UBE2K: variants seen among roughly 807,000 people sequenced by gnomAD.
UBE2K encodes the protein ubiquitin-conjugating enzyme E2 K.
Under a neutral mutation model 30.0 loss-of-function variants are expected in UBE2K, and 6 were observed. The observed-to-expected ratio is 0.20, with a 90% CI of 0.11 to 0.39. The LOEUF is 0.39. Among genes scored for constraint, UBE2K ranks in the 10% least tolerant of loss-of-function variants. The probability of loss-of-function intolerance (pLI) is 1.00; values close to 1 mark genes in which losing one functional copy is unlikely to be tolerated. For synonymous variants in UBE2K, 86 were observed against 83.7 expected, an observed-to-expected ratio of 1.03 and a Z score of -0.15; for missense variants, 61 against 241.6, an observed-to-expected ratio of 0.25 and a Z score of 4.96.
chr4:39,711,309 C>T (rs1289275486), intron 1 of UBE2K, among the ~76,000 whole-genome samples: 1 of 151,184 alleles, frequency 6.6e-6, no homozygotes, highest in Non-Finnish European at 1.5e-5. Flanking sequence ...ACTACAGGCG[C>T]CCGCCACCAA....
intron 4 of UBE2K, chr4:39,771,477 G>T (rs1712832041): frequency 6.1e-6 from 9 of 1,486,920 alleles, no homozygotes; most frequent in Admixed American, 2.2e-5. Context: ...TCCGCGCGCT[G>T]TTTTTTTTTA....
chr4:39,743,058 AAG>A (rs1343369511), intron 2 of UBE2K, among the ~76,000 whole-genome samples: 3 of 151,944 alleles, frequency 2.0e-5, no homozygotes, highest in East Asian at 1.9e-4. Flanking sequence ...AAAAAAAAAA[AAG>A]AGAAGGATTC....
chr4:39,704,159 G>A (rs915012223), intron 1 of UBE2K, among the ~76,000 whole-genome samples: 1 of 151,992 alleles, frequency 6.6e-6, no homozygotes, highest in Non-Finnish European at 1.5e-5. Context: ...GGGAGGCTGA[G>A]GCAGGAGAAT....
intron 4 of UBE2K, among the ~76,000 whole-genome samples, chr4:39,758,204 G>T (rs1357130278): frequency 6.6e-6 from 1 of 151,982 alleles, no homozygotes; most frequent in Non-Finnish European, 1.5e-5. Flanking sequence ...TCTTTCTCTG[G>T]TACCCCATGC....
At chr4:39,770,226 G>T (rs1196937848) in intron 4 of UBE2K, 1 of 1,611,614 alleles carries the variant, frequency 6.2e-7, no homozygotes, top group Non-Finnish European at 8.5e-7. Context: ...GTAGGGCTGC[G>T]CTCCCGAGTG....
At chr4:39,728,827 G>GTTTTTTTTT (rs372834149) in intron 1 of UBE2K, among the ~76,000 whole-genome samples, 19 of 128,640 alleles carry the variant, frequency 1.5e-4, no homozygotes, top group South Asian at 2.5e-4. Context: ...TGTTTTTTTT[G>GTTTTTTTTT]TTTTTTTTTT....
At chr4:39,745,048 A>G (rs28526586) in intron 2 of UBE2K, among the ~76,000 whole-genome samples, 2,854 of 152,260 alleles carry the variant, frequency 0.019, 97 homozygotes, top group African/African-American at 0.065. Context: ...TAAAATAGAG[A>G]CAAGGACTTG....
At chr4:39,756,070 C>A (rs1409255214) in intron 4 of UBE2K, among the ~76,000 whole-genome samples, 1 of 152,186 alleles carries the variant, frequency 6.6e-6, no homozygotes, top group East Asian at 1.9e-4. Flanking sequence ...TTGAAGTAGT[C>A]ATATCCCCCT....
chr4:39,724,937 A>G (rs1376032937), intron 1 of UBE2K, among the ~76,000 whole-genome samples: 1 of 151,980 alleles, frequency 6.6e-6, no homozygotes, highest in Non-Finnish European at 1.5e-5. Context: ...CAGTGTTCTT[A>G]TTTTTGTTTA....
At position 39,748,620 on chromosome 4, in the gene UBE2K, C is replaced by CA. The variant is rs33918227; in HGVS notation, c.216+2825dup. 3.6e-3 allele frequency among the ~76,000 whole-genome samples: 441 copies of CA among 123,374 alleles called. 3 individuals are homozygous for CA. Among genetic ancestry groups the CA allele is most frequent in the Middle Eastern group, 0.026 (6 of 234 alleles). The allele number at this position is 123,374 out of a possible 152,430, so 80.9% of individuals were successfully genotyped here. A position where few individuals can be genotyped will look rare whatever the true frequency, so the allele number is the denominator to read the frequency against. ...CATAGCAAGGCCCTGTCTCTAGTCC[C>CA]AAAAAAAAAAAAAAAGAAAAAGAAA... On this transcript the variant is annotated intron_variant, in intron 3 of 6. Transcript: ENST00000261427.
intron 3 of UBE2K, among the ~76,000 whole-genome samples, chr4:39,746,339 A>G (rs1387921556): frequency 6.6e-6 from 1 of 152,182 alleles, no homozygotes; most frequent in Non-Finnish European, 1.5e-5. Flanking sequence ...ATACCCTAAG[A>G]TCATGTATAA....
chr4:39,721,225 G>A (rs571933741), intron 1 of UBE2K, among the ~76,000 whole-genome samples: 1 of 152,300 alleles, frequency 6.6e-6, no homozygotes, highest in African/African-American at 2.4e-5. Context: ...AAGGAAAAAA[G>A]AAAGTTGATT....
At chr4:39,730,760 A>C in intron 1 of UBE2K, among the ~76,000 whole-genome samples, 2 of 146,824 alleles carry the variant, frequency 1.4e-5, no homozygotes, top group African/African-American at 5.0e-5. Flanking sequence ...ACAGAGTGAG[A>C]CTCCGTCTCA....
intron 4 of UBE2K, among the ~76,000 whole-genome samples, chr4:39,759,758 A>C (rs1422323993): frequency 6.6e-6 from 1 of 152,238 alleles, no homozygotes; most frequent in Non-Finnish European, 1.5e-5. Context: ...GGCACAGAAT[A>C]TCTGCCTGGT....
At chr4:39,776,868 G>T (rs115778444) in intron 5 of UBE2K, among the ~76,000 whole-genome samples, 1 of 152,094 alleles carries the variant, frequency 6.6e-6, no homozygotes, top group Non-Finnish European at 1.5e-5. Context: ...AGCCTTACAC[G>T]TTGAGGTTGG....
intron 1 of UBE2K, among the ~76,000 whole-genome samples, chr4:39,717,383 G>A (rs1250817798): frequency 6.6e-6 from 1 of 151,890 alleles, no homozygotes; most frequent in African/African-American, 2.4e-5. Context: ...GATGCATGCT[G>A]CCACACCCGG....
chr4:39,770,976 G>C (rs1712769349), intron 4 of UBE2K: 4 of 1,601,486 alleles, frequency 2.5e-6, no homozygotes, highest in Non-Finnish European at 3.4e-6. Flanking sequence ...TGGCTGGAGG[G>C]AGGAGGGACT....
intron 2 of UBE2K, among the ~76,000 whole-genome samples, chr4:39,740,737 C>G (rs1200820263): frequency 4.0e-5 from 6 of 150,884 alleles, no homozygotes; most frequent in African/African-American, 1.5e-4. Flanking sequence ...ATGGTGGGCG[C>G]CTGTAGTCCC....
intron 2 of UBE2K, among the ~76,000 whole-genome samples, chr4:39,740,853 A>G (rs1038769288): frequency 7.4e-6 from 1 of 135,458 alleles, no homozygotes; most frequent in Non-Finnish European, 1.5e-5. Flanking sequence ...ACAGAGCAAG[A>G]CTCCGTCTCA....
Sources: allele counts gnomAD v4.1 joint callset (sites outside exome capture counted in the v4.1 genomes callset), GRCh38; gene constraint gnomAD v4.1.1; transcripts MANE v1.5; gene names NCBI Gene and HGNC (gene_info 2026-07-23, HGNC 2026-07-21).